Variants in OR52N4 observed in about 807,000 individuals in gnomAD.
OR52N4 encodes olfactory receptor 52N4.
In OR52N4, 15 loss-of-function variants were observed where a neutral mutation model predicts 15.0. That is an observed-to-expected ratio of 1.00 (90% CI 0.67 to 1.54). The LOEUF is 1.54. Ranked by LOEUF, OR52N4 falls within the 40% of genes most tolerant of loss-of-function variation. The pLI, the probability that OR52N4 is intolerant of heterozygous loss-of-function variation, is 0.00. For missense variants in OR52N4, 421 were observed against 394.0 expected, an observed-to-expected ratio of 1.07 and a Z score of -0.58; for synonymous variants, 143 against 143.7, an observed-to-expected ratio of 1.00 and a Z score of 0.03.
upstream of OR52N4, among the ~76,000 whole-genome samples, chr11:5,752,704 A>G (rs1854214181): frequency 6.6e-6 from 1 of 152,162 alleles, no homozygotes; most frequent in African/African-American, 2.4e-5. Context: ...ATGTTGATTG[A>G]TTTTTACAAC....
rs1338949922 is a variant in OR52N4 at position 5,755,263 on chromosome 11, A to C, written c.523A>C (p.Ile175Leu). 1 of 1,613,888 alleles carries C rather than the reference A, an allele frequency of 6.2e-7. No individual in the cohort carries two copies. Among genetic ancestry groups the C allele is most frequent in the African/African-American group, 1.3e-5 (1 of 74,894 alleles). ...TKLLPYCRGNILPHTYCDHMS... is the reference protein window; with the variant it reads ...TKLLPYCRGNLLPHTYCDHMS... ...GCTCCTGCCCTACTGCAGAGGCAAT[A>C]TACTTCCCCATACCTACTGTGACCA... Residue 175 changes from isoleucine to leucine, a missense_variant, in exon 2 of 2, where the codon ATA (isoleucine) becomes CTA (leucine). Ile to Leu is a conservative substitution (Grantham distance 5). Coordinates refer to ENST00000641350, the MANE Select transcript of OR52N4 (RefSeq NM_001005175.5).
the OR52N4 span, among the ~76,000 whole-genome samples, chr11:5,728,885 T>C: frequency 6.6e-6 from 1 of 152,208 alleles, no homozygotes; most frequent in Non-Finnish European, 1.5e-5. Flanking sequence ...TTTTTTATTC[T>C]AACCCTCAAT....
At chr11:5,752,563 A>AT (rs1471238461), upstream of OR52N4, among the ~76,000 whole-genome samples, 4 of 152,206 alleles carry the variant, frequency 2.6e-5, no homozygotes, top group Non-Finnish European at 5.9e-5. Flanking sequence ...GAAAATACAA[A>AT]TATGGGTATT....
the OR52N4 span, among the ~76,000 whole-genome samples, chr11:5,744,915 C>T: frequency 2.1e-3 from 320 of 152,144 alleles, 1 homozygote; most frequent in African/African-American, 7.4e-3. Context: ...AGTGAGACTC[C>T]ATCTCAAAAA....
At position 5,755,364 on chromosome 11, in the gene OR52N4, T is replaced by C; in HGVS notation, c.624T>C (p.Ile208=). The C allele has an allele frequency of 6.2e-7, 1 of 1,614,038 alleles. No individual in the cohort carries two copies. Among genetic ancestry groups the C allele is most frequent in the East Asian group, 2.2e-5 (1 of 44,842 alleles). Residue 208 remains isoleucine, a synonymous_variant, in exon 2 of 2, where the codon ATT becomes ATC. Transcript: ENST00000641350. ...AIYGLMVALL[I]WGFDILCITN... is the part of the protein sequence containing the mutation. ...ATGGTCTGATGGTTGCCCTCCTGAT[T>C]TGGGGCTTTGACATACTGTGTATCA... is the stretch of plus-strand genomic sequence containing the variant.
the OR52N4 span, chr11:5,727,545 G>A: frequency 2.4e-4 from 37 of 152,138 alleles, no homozygotes; most frequent in Admixed American, 2.4e-3. Context: ...ACCAGAAAGA[G>A]CTTTTAAGAG....
the OR52N4 span, chr11:5,734,305 T>C: frequency 2.4e-6 from 1 of 420,496 alleles, no homozygotes; most frequent in Non-Finnish European, 4.8e-6. Context: ...ATCCTAAACA[T>C]TATGTTGTTT....
At chr11:5,736,644 T>A in the OR52N4 span, 1 of 1,613,914 alleles carries the variant, frequency 6.2e-7, no homozygotes, top group East Asian at 2.2e-5. Flanking sequence ...CTGGCACTAC[T>A]GTATCTCTCA....
Position 5,755,276 on chromosome 11 carries a change from C to T in OR52N4, c.536C>T (p.Thr179Ile), listed in dbSNP as rs1291974136. The T allele has an allele frequency of 1.2e-6, 2 of 1,614,054 alleles. No individual in the cohort carries two copies. The highest frequency in any genetic ancestry group is 1.1e-5 in the South Asian group (1 of 91,078). Residue 179 changes from threonine (T) to isoleucine (I), a missense_variant, in exon 2 of 2, where the codon ACC (threonine) becomes ATC (isoleucine). Thr to Ile is a moderately conservative substitution (Grantham distance 89, BLOSUM62 -1). Transcript: ENST00000641350. ...TGCAGAGGCAATATACTTCCCCATACCTACTGTGACCACATGTCTGTAGCC... is the reference window on the plus strand; with the variant it reads ...TGCAGAGGCAATATACTTCCCCATATCTACTGTGACCACATGTCTGTAGCC... ...PYCRGNILPHTYCDHMSVAKL... is the reference protein window; with the variant it reads ...PYCRGNILPHIYCDHMSVAKL...
At chr11:5,746,768 G>T in the OR52N4 span, among the ~76,000 whole-genome samples, 120,356 of 152,062 alleles carry the variant, frequency 0.79, 48,239 homozygotes, top group Non-Finnish European at 0.86. Context: ...TAGAACCACA[G>T]TTTGAACCAT....
upstream of OR52N4, among the ~76,000 whole-genome samples, chr11:5,751,346 C>T (rs112841197): frequency 0.034 from 5,157 of 151,854 alleles, 98 homozygotes; most frequent in South Asian, 0.07. Flanking sequence ...GTTTGTTCTG[C>T]CTTTGTCATC....
upstream of OR52N4, among the ~76,000 whole-genome samples, chr11:5,750,216 C>T (rs1177746059): frequency 1.3e-5 from 2 of 151,936 alleles, no homozygotes; most frequent in South Asian, 4.1e-4. Flanking sequence ...TCTCTACCTA[C>T]TTCTAACACA....
chr11:5,745,514 G>A, the OR52N4 span, among the ~76,000 whole-genome samples: 187 of 152,160 alleles, frequency 1.2e-3, no homozygotes, highest in African/African-American at 4.2e-3. Context: ...TCTCTACAAG[G>A]AGAACTATGA....
chr11:5,753,908 G>T (rs1412211111), upstream of OR52N4, among the ~76,000 whole-genome samples: 1 of 145,824 alleles, frequency 6.9e-6, no homozygotes, highest in Non-Finnish European at 1.5e-5. Flanking sequence ...CAGGAGAATT[G>T]CTTGAATCCG....
the OR52N4 span, chr11:5,736,590 G>A: frequency 6.2e-7 from 1 of 1,613,980 alleles, no homozygotes; most frequent in Non-Finnish European, 8.5e-7. Context: ...ATCCTGCTGG[G>A]ATTCCCGGGC....
the OR52N4 span, chr11:5,737,197 T>C: frequency 6.2e-7 from 1 of 1,614,100 alleles, no homozygotes; most frequent in Non-Finnish European, 8.5e-7. Context: ...TACTGTCATA[T>C]ATTTTGATTC....
the OR52N4 span, chr11:5,726,479 T>C: frequency 6.6e-6 from 1 of 152,144 alleles, no homozygotes; most frequent in Non-Finnish European, 1.5e-5. Flanking sequence ...CCACAGAGAA[T>C]GTCCAGCACT....
chr11:5,740,600 A>G, the OR52N4 span, among the ~76,000 whole-genome samples: 1 of 125,628 alleles, frequency 8.0e-6, no homozygotes. Context: ...TCTTGAGCCC[A>G]GGATTGAGAC....
At chr11:5,732,696 G>C in the OR52N4 span, among the ~76,000 whole-genome samples, 1 of 152,120 alleles carries the variant, frequency 6.6e-6, no homozygotes, top group Non-Finnish European at 1.5e-5. Context: ...ACATCTATTT[G>C]TGCTAATAGC....
Sources: gnomAD v4.1 joint callset for allele counts (sites outside exome capture counted in the v4.1 genomes callset) on GRCh38, gnomAD v4.1.1 for gene constraint, MANE v1.5 for transcripts, NCBI Gene and HGNC (gene_info 2026-07-23, HGNC 2026-07-21) for gene names.